SLIT2: variants seen among roughly 807,000 people sequenced by gnomAD.
SLIT2 encodes slit guidance ligand 2, also known as slit homolog 2 protein.
In SLIT2, 41 loss-of-function variants were observed where a neutral mutation model predicts 185.7. The observed-to-expected ratio is 0.22, with a 90% CI of 0.17 to 0.29. The LOEUF (loss-of-function observed/expected upper bound fraction) is 0.29, where lower values mean the gene tolerates loss of function less well. SLIT2 is among the 10% of genes least tolerant of loss of function. SLIT2 has a pLI of 1.00. For synonymous variants in SLIT2, 693 were observed against 680.2 expected (o/e 1.02, Z -0.29); for missense variants, 1,571 against 1,909.0 (o/e 0.82, Z 3.30).
intron 4 of SLIT2, among the ~76,000 whole-genome samples, chr4:20,282,898 T>A (rs1171066539): frequency 6.6e-6 from 1 of 152,194 alleles, no homozygotes; most frequent in Non-Finnish European, 1.5e-5. Context: ...TATATTATTT[T>A]TTTTGTGCCA....
At chr4:20,450,638 A>G (rs566517895) in intron 4 of SLIT2, among the ~76,000 whole-genome samples, 1 of 152,204 alleles carries the variant, frequency 6.6e-6, no homozygotes, top group Non-Finnish European at 1.5e-5. Flanking sequence ...TGGGTACACT[A>G]TTTTTAACTA....
intron 4 of SLIT2, among the ~76,000 whole-genome samples, chr4:20,458,012 T>G (rs939098450): frequency 2.0e-5 from 3 of 151,622 alleles, no homozygotes; most frequent in Non-Finnish European, 4.4e-5. Flanking sequence ...GGTCACCAGT[T>G]TTAATTTTTG....
chr4:20,520,692 T>C (rs1720762719), intron 12 of SLIT2, among the ~76,000 whole-genome samples: 1 of 152,128 alleles, frequency 6.6e-6, no homozygotes, highest in Admixed American at 6.6e-5. Context: ...ACATTACACC[T>C]TAGCACACAC....
intron 33 of SLIT2, among the ~76,000 whole-genome samples, chr4:20,599,262 A>G (rs150350308): frequency 6.8e-4 from 104 of 151,920 alleles, no homozygotes; most frequent in African/African-American, 2.4e-3. Context: ...TTTAGTCCTT[A>G]TTGCATAAGA....
chr4:20,595,474 T>TATC (rs10633957), intron 30 of SLIT2, among the ~76,000 whole-genome samples: 110,574 of 151,606 alleles, frequency 0.73, 40,864 homozygotes, highest in East Asian at 0.97. Context: ...GGATGTTCAC[T>TATC]ATCAAGGAGA....
intron 25 of SLIT2, among the ~76,000 whole-genome samples, 183 bp from the exon 26 acceptor site, chr4:20,553,622 C>T (rs1191760134): frequency 6.6e-6 from 1 of 152,106 alleles, no homozygotes; most frequent in African/African-American, 2.4e-5. Flanking sequence ...ATGGGGAATC[C>T]CCAGTGTCTC....
intron 5 of SLIT2, among the ~76,000 whole-genome samples, chr4:20,478,419 A>G (rs760278575): frequency 6.6e-6 from 1 of 152,218 alleles, no homozygotes; most frequent in Non-Finnish European, 1.5e-5. Flanking sequence ...TTAAAGAACA[A>G]TGAAATTACC....
chr4:20,438,359 AAGG>A (rs1173541608), intron 4 of SLIT2, among the ~76,000 whole-genome samples: 3 of 152,200 alleles, frequency 2.0e-5, no homozygotes, highest in Non-Finnish European at 4.4e-5. Context: ...GGCAGAAGGC[AAGG>A]AGGAGTAAGT....
intron 2 of SLIT2, among the ~76,000 whole-genome samples, chr4:20,257,347 A>C (rs1460254640): frequency 6.6e-6 from 1 of 152,046 alleles, no homozygotes; most frequent in Non-Finnish European, 1.5e-5. Flanking sequence ...TGTAATGTTA[A>C]ATTGTTCTCA....
At chr4:20,426,557 C>G (rs1053818578) in intron 4 of SLIT2, among the ~76,000 whole-genome samples, 12 of 152,014 alleles carry the variant, frequency 7.9e-5, no homozygotes, top group Non-Finnish European at 1.8e-4. Flanking sequence ...CAGGTACGGC[C>G]ATTTGCATGC....
At chr4:20,451,731 A>G (rs1712499234) in intron 4 of SLIT2, among the ~76,000 whole-genome samples, 2 of 152,170 alleles carry the variant, frequency 1.3e-5, no homozygotes, top group African/African-American at 2.4e-5. Flanking sequence ...CCTTTTTGGA[A>G]CAGTAGTTGG....
At chr4:20,305,691 G>A (rs1022671170) in intron 4 of SLIT2, among the ~76,000 whole-genome samples, 1 of 151,302 alleles carries the variant, frequency 6.6e-6, no homozygotes, top group Non-Finnish European at 1.5e-5. Flanking sequence ...TGACCAACAT[G>A]GTGAAACCCC....
intron 12 of SLIT2, among the ~76,000 whole-genome samples, chr4:20,522,338 T>TA (rs1560498587): frequency 6.6e-6 from 1 of 152,140 alleles, no homozygotes; most frequent in Non-Finnish European, 1.5e-5. Context: ...ATTATCTCCA[T>TA]ACCAACCCTA....
intron 9 of SLIT2, among the ~76,000 whole-genome samples, chr4:20,504,736 T>TG (rs1322360460): frequency 2.0e-5 from 3 of 152,118 alleles, no homozygotes; most frequent in Non-Finnish European, 2.9e-5. Flanking sequence ...AGTGTATGTG[T>TG]GGGGGTGTGT....
chr4:20,455,150 GA>G (rs1712924997), intron 4 of SLIT2, among the ~76,000 whole-genome samples: 1 of 152,052 alleles, frequency 6.6e-6, no homozygotes, highest in Non-Finnish European at 1.5e-5. Flanking sequence ...TACCCATTTT[GA>G]AAACAGTTTT....
chr4:20,298,469 CT>C (rs537584117), intron 4 of SLIT2, among the ~76,000 whole-genome samples: 59 of 152,216 alleles, frequency 3.9e-4, no homozygotes, highest in African/African-American at 1.3e-3. Flanking sequence ...TTGTCCTTTT[CT>C]TTTGTGCCTC....
intron 4 of SLIT2, among the ~76,000 whole-genome samples, chr4:20,426,542 G>A (rs1728571558): frequency 6.6e-6 from 1 of 152,172 alleles, no homozygotes; most frequent in Non-Finnish European, 1.5e-5. Context: ...GGATCTAGAG[G>A]TTGACAGGTA....
intron 22 of SLIT2, among the ~76,000 whole-genome samples, chr4:20,546,493 CA>C (rs1216543274): frequency 6.6e-6 from 1 of 151,956 alleles, no homozygotes; most frequent in East Asian, 1.9e-4. Flanking sequence ...ATGACTTTCC[CA>C]AAAATGTAAA....
chr4:20,315,990 G>A (rs974468088), intron 4 of SLIT2, among the ~76,000 whole-genome samples: 2 of 151,716 alleles, frequency 1.3e-5, no homozygotes, highest in Admixed American at 1.3e-4. Flanking sequence ...TATTTTCTTG[G>A]TAGTGATAGT....
Sources: gnomAD v4.1 joint callset for allele counts (sites outside exome capture counted in the v4.1 genomes callset) on GRCh38, gnomAD v4.1.1 for gene constraint, MANE v1.5 for transcripts, NCBI Gene and HGNC (gene_info 2026-07-23, HGNC 2026-07-21) for gene names.